SAMD12: variants seen among roughly 807,000 people sequenced by gnomAD.
The protein encoded by SAMD12 is sterile alpha motif domain-containing protein 12.
In SAMD12, 9 loss-of-function variants were observed where a neutral mutation model predicts 15.0. That is an observed-to-expected ratio of 0.60 (90% CI 0.36 to 1.05). The LOEUF (loss-of-function observed/expected upper bound fraction) is 1.05, where lower values mean the gene tolerates loss of function less well. SAMD12 is among the 50% of genes least tolerant of loss of function. The pLI, the probability that SAMD12 is intolerant of heterozygous loss-of-function variation, is 0.01. For synonymous variants in SAMD12, 86 were observed against 90.1 expected (o/e 0.96, Z 0.25); for missense variants, 230 against 234.2 (o/e 0.98, Z 0.12).
chr8:118,294,453 G>A (rs2130279833), intron 4 of SAMD12, among the ~76,000 whole-genome samples: 1 of 152,326 alleles, frequency 6.6e-6, no homozygotes, highest in African/African-American at 2.4e-5. Flanking sequence ...CACCAGTCGG[G>A]TTGGGAGTGC....
intron 2 of SAMD12, among the ~76,000 whole-genome samples, chr8:118,498,337 T>C (rs939168263): frequency 1.3e-5 from 2 of 152,224 alleles, no homozygotes; most frequent in African/African-American, 4.8e-5. Context: ...AATGAGATTG[T>C]GTTTGCAATG....
At chr8:118,482,069 C>T (rs1472480397) in intron 2 of SAMD12, among the ~76,000 whole-genome samples, 1 of 152,228 alleles carries the variant, frequency 6.6e-6, no homozygotes, top group Non-Finnish European at 1.5e-5. Flanking sequence ...TATTACTCCT[C>T]AAAGTATGAT....
intron 4 of SAMD12, among the ~76,000 whole-genome samples, chr8:118,337,463 C>T (rs957174542): frequency 6.6e-6 from 1 of 152,166 alleles, no homozygotes; most frequent in Non-Finnish European, 1.5e-5. Flanking sequence ...CAGTAGTGCC[C>T]CCTTATCCAC....
chr8:118,538,778 T>C (rs1825914577), intron 2 of SAMD12, among the ~76,000 whole-genome samples: 2 of 152,216 alleles, frequency 1.3e-5, no homozygotes, highest in Non-Finnish European at 2.9e-5. Context: ...TGGACAGTTG[T>C]TTAATTAGGT....
chr8:118,296,724 T>C (rs907889446), intron 4 of SAMD12, among the ~76,000 whole-genome samples: 1 of 152,238 alleles, frequency 6.6e-6, no homozygotes, highest in Non-Finnish European at 1.5e-5. Flanking sequence ...CATCACCTAT[T>C]ATCAAAATGC....
At chr8:118,449,594 G>A (rs939564043) in intron 2 of SAMD12, among the ~76,000 whole-genome samples, 3 of 151,558 alleles carry the variant, frequency 2.0e-5, no homozygotes, top group East Asian at 2.0e-4. Flanking sequence ...GGCACATCAC[G>A]AGTTCAGGAG....
chr8:118,243,756 A>T (rs1323030273), intron 4 of SAMD12, among the ~76,000 whole-genome samples: 1 of 152,156 alleles, frequency 6.6e-6, no homozygotes, highest in Non-Finnish European at 1.5e-5. Flanking sequence ...TTGAAGGATT[A>T]TGTCCCTGAA....
intron 4 of SAMD12, among the ~76,000 whole-genome samples, chr8:118,365,637 T>G (rs1818724993): frequency 6.6e-6 from 1 of 152,006 alleles, no homozygotes; most frequent in South Asian, 2.1e-4. Context: ...CTTCCGCTTG[T>G]AGATGGCAGA....
intron 2 of SAMD12, among the ~76,000 whole-genome samples, chr8:118,549,467 G>C (rs937923882): frequency 6.6e-6 from 1 of 152,170 alleles, no homozygotes; most frequent in Non-Finnish European, 1.5e-5. Flanking sequence ...TGCAGCTGAG[G>C]GTCCTGTCTG....
chr8:118,268,241 C>A (rs1813255829), intron 4 of SAMD12, among the ~76,000 whole-genome samples: 1 of 152,200 alleles, frequency 6.6e-6, no homozygotes, highest in Admixed American at 6.5e-5. Flanking sequence ...CCTCCCTCCA[C>A]TTCTATCACA....
intron 2 of SAMD12, among the ~76,000 whole-genome samples, chr8:118,509,525 T>C (rs530562390): frequency 4.6e-5 from 7 of 152,260 alleles, no homozygotes; most frequent in Admixed American, 1.3e-4. Flanking sequence ...CATCCACACA[T>C]GTTCTGTTTC....
At chr8:118,136,869 T>A in the SAMD12 span, among the ~76,000 whole-genome samples, 1 of 152,198 alleles carries the variant, frequency 6.6e-6, no homozygotes, top group Non-Finnish European at 1.5e-5. Context: ...TCTGTGTGAG[T>A]AGATTCCTAG....
intron 1 of SAMD12, among the ~76,000 whole-genome samples, chr8:118,612,892 A>G (rs1828141630): frequency 1.3e-5 from 2 of 152,240 alleles, no homozygotes; most frequent in African/African-American, 4.8e-5. Flanking sequence ...GAACTATTGA[A>G]TCAGGCAACA....
chr8:118,387,695 C>G (rs1247159540), intron 3 of SAMD12, among the ~76,000 whole-genome samples: 1 of 152,182 alleles, frequency 6.6e-6, no homozygotes, highest in African/African-American at 2.4e-5. Context: ...TCTCCCTAAA[C>G]TGCCACCCAG....
At chr8:118,583,067 C>A (rs1294600649) in intron 1 of SAMD12, among the ~76,000 whole-genome samples, 1 of 152,116 alleles carries the variant, frequency 6.6e-6, no homozygotes, top group Non-Finnish European at 1.5e-5. Flanking sequence ...AAATTTTATT[C>A]TCTTTTCTCA....
At chr8:118,582,884 T>TA (rs903805633) in intron 1 of SAMD12, among the ~76,000 whole-genome samples, 118 of 151,250 alleles carry the variant, frequency 7.8e-4, no homozygotes, top group African/African-American at 2.7e-3. Flanking sequence ...TGCATCTCGG[T>TA]AGTTTCATCA....
At chr8:118,176,247 G>A in the SAMD12 span, among the ~76,000 whole-genome samples, 624 of 152,268 alleles carry the variant, frequency 4.1e-3, 8 homozygotes, top group African/African-American at 0.014. Flanking sequence ...GTTGCAGTGA[G>A]CCGAGATCGT....
chr8:118,415,108 C>A (rs9297586), intron 3 of SAMD12, among the ~76,000 whole-genome samples: 1 of 151,962 alleles, frequency 6.6e-6, no homozygotes, highest in East Asian at 1.9e-4. Flanking sequence ...GCCTCCAGGG[C>A]GAGTATCCTA....
intron 4 of SAMD12, among the ~76,000 whole-genome samples, chr8:118,202,536 T>C (rs887883486): frequency 6.6e-6 from 1 of 152,142 alleles, no homozygotes; most frequent in Non-Finnish European, 1.5e-5. Context: ...GGCAAAAGGT[T>C]CAATAACAGA....
Sources: gnomAD v4.1 joint callset for allele counts (sites outside exome capture counted in the v4.1 genomes callset) on GRCh38, gnomAD v4.1.1 for gene constraint, MANE v1.5 for transcripts, NCBI Gene and HGNC (gene_info 2026-07-23, HGNC 2026-07-21) for gene names.